TRPC6: variants seen among roughly 807,000 people sequenced by gnomAD.
TRPC6 encodes the protein transient receptor potential cation channel subfamily C member 6.
TRPC6 carries 55 observed loss-of-function variants against 90.7 expected under a neutral mutation model. That is an observed-to-expected ratio of 0.61 (90% confidence interval 0.49 to 0.76). TRPC6 has a LOEUF of 0.76. TRPC6 is among the 30% of genes least tolerant of loss of function. The pLI, the probability that TRPC6 is intolerant of heterozygous loss-of-function variation, is 0.00. For synonymous variants in TRPC6, 393 were observed against 393.0 expected (o/e 1.00, Z 0.00); for missense variants, 989 against 1,122.7 (o/e 0.88, Z 1.70).
rs78668656 is a variant in TRPC6, at chr11:101,488,700, T to C, written c.1293+237A>G. 0.064 allele frequency among the ~76,000 whole-genome samples: 9,708 copies of C among 152,260 alleles called. 368 individuals are homozygous for C. Among genetic ancestry groups the C allele is most frequent in the Middle Eastern group, 0.082 (24 of 294 alleles). On this transcript the variant is annotated intron_variant, in intron 4 of 12. Coordinates refer to ENST00000344327, the MANE Select transcript of TRPC6 (RefSeq NM_004621.6). Reference sequence around the variant, plus strand: ...ACATTAACAGTGGTGATATTACAGGTGAATTTTATCTTTTCCGTTTTTTTT... The same window carrying C: ...ACATTAACAGTGGTGATATTACAGGCGAATTTTATCTTTTCCGTTTTTTTT...
chr11:101,469,867 A>C (rs1012932254), intron 9 of TRPC6, among the ~76,000 whole-genome samples: 6 of 152,244 alleles, frequency 3.9e-5, no homozygotes, highest in Non-Finnish European at 7.3e-5. Flanking sequence ...AAGCTTTAAA[A>C]TTCTCAAAGT....
Position 101,452,846 on chromosome 11 carries a change from A to C in TRPC6, c.*109T>G. 1 of 1,332,360 alleles carries C rather than the reference A, an allele frequency of 7.5e-7. No individual in the cohort carries two copies. The highest frequency in any genetic ancestry group is 1.1e-6 in the Non-Finnish European group (1 of 942,410). 82.5% of individuals were successfully genotyped at this position (1,332,360 alleles called of 1,614,324 possible). On this transcript the variant is annotated 3_prime_UTR_variant, in exon 13 of 13. Transcript: ENST00000344327. The stretch of plus-strand genomic sequence containing the variant: ...ATGATAGGATGGCCCAAGTTATTTA[A>C]CGTTTTCTTGTTTAAAAGGTGGGCC...
In TRPC6 at chr11:101,491,836, C is replaced by CTTTTTTTTTTTTTTTTTT. The variant is rs71056611; in HGVS notation, c.946-116_946-99dup. The CTTTTTTTTTTTTTTTTTT allele has an allele frequency of 3.4e-5, 15 of 445,044 alleles. 2 individuals carry two copies. In the African/African-American group the frequency reaches 4.9e-4, roughly 14 times the overall value. 27.6% of individuals were successfully genotyped at this position (445,044 alleles called of 1,614,324 possible). A position where few individuals can be genotyped will look rare whatever the true frequency, so the allele number is the denominator to read the frequency against. ...GATTTTATACTTTAAGAGAAACATT[C>CTTTTTTTTTTTTTTTTTT]TTTTTTTTTTTTTTTTTTTTTTGAG... is the stretch of plus-strand genomic sequence containing the variant. On this transcript the variant is annotated intron_variant, in intron 2 of 12. Coordinates refer to ENST00000344327, the MANE Select transcript of TRPC6 (RefSeq NM_004621.6).
intron 1 of TRPC6, among the ~76,000 whole-genome samples, chr11:101,553,963 T>C (rs749199541): frequency 1.3e-5 from 2 of 152,112 alleles, no homozygotes; most frequent in Non-Finnish European, 2.9e-5. Flanking sequence ...GGGGAAAATG[T>C]TTATGTGAAC....
At chr11:101,486,907 A>AAG (rs1347863657) in intron 4 of TRPC6, among the ~76,000 whole-genome samples, 1 of 152,196 alleles carries the variant, frequency 6.6e-6, no homozygotes, top group Non-Finnish European at 1.5e-5. Context: ...TCATGCTTCA[A>AAG]AGATAAAAAC....
intron 9 of TRPC6, among the ~76,000 whole-genome samples, chr11:101,469,970 CTACT>C (rs1859251147): frequency 6.6e-6 from 1 of 152,124 alleles, no homozygotes; most frequent in South Asian, 2.1e-4. Flanking sequence ...AGAGAATGTG[CTACT>C]TACTTGAGCA....
At chr11:101,568,895 G>A (rs1444440487) in intron 1 of TRPC6, among the ~76,000 whole-genome samples, 2 of 152,150 alleles carry the variant, frequency 1.3e-5, no homozygotes, top group African/African-American at 4.8e-5. Context: ...ACCGATACAA[G>A]CCACTGCAAA....
chr11:101,474,836 C>A (rs1859375998), intron 6 of TRPC6, among the ~76,000 whole-genome samples: 1 of 152,146 alleles, frequency 6.6e-6, no homozygotes, highest in South Asian at 2.1e-4. Flanking sequence ...ATCCCTTAGT[C>A]ACTTTCTTCC....
intron 1 of TRPC6, among the ~76,000 whole-genome samples, chr11:101,562,070 G>A (rs1861727493): frequency 6.6e-6 from 1 of 152,070 alleles, no homozygotes; most frequent in Non-Finnish European, 1.5e-5. Flanking sequence ...AAGTGAACCT[G>A]TGGTAAATGA....
chr11:101,506,290 A>C (rs557004840), intron 1 of TRPC6, among the ~76,000 whole-genome samples: 2 of 151,804 alleles, frequency 1.3e-5, no homozygotes, highest in Non-Finnish European at 1.5e-5. Flanking sequence ...TATAAAGAGG[A>C]CAATAAAAAG....
rs200142677 is a variant in TRPC6 at position 101,452,497 on chromosome 11, T to G, written c.*458A>C. 5.7e-6 allele frequency: 1 copy of G among 175,948 alleles called. No individual in the cohort carries two copies. The highest frequency in any genetic ancestry group is 1.2e-5 in the Non-Finnish European group (1 of 81,476). 10.9% of individuals were successfully genotyped at this position (175,948 alleles called of 1,614,324 possible). A position where few individuals can be genotyped will look rare whatever the true frequency, so the allele number is the denominator to read the frequency against. ...TTCTAAAGAAAGGATTAAAGCATTC[T>G]AAAGGCCCATGGGCTACTTTTTCCC... is the stretch of plus-strand genomic sequence containing the variant. On this transcript the variant is annotated 3_prime_UTR_variant, in exon 13 of 13. Transcript: ENST00000344327.
chr11:101,537,478 C>T (rs936310877), intron 1 of TRPC6, among the ~76,000 whole-genome samples: 1 of 152,042 alleles, frequency 6.6e-6, no homozygotes, highest in African/African-American at 2.4e-5. Flanking sequence ...TTCAAAAACA[C>T]TTGTCTGAAT....
chr11:101,496,706 G>A (rs111628817), intron 2 of TRPC6, among the ~76,000 whole-genome samples: 444 of 152,272 alleles, frequency 2.9e-3, no homozygotes, highest in African/African-American at 8.2e-3. Flanking sequence ...TACGAAGCTT[G>A]GAGAGCGGCG....
At chr11:101,566,437 A>G (rs1861832419) in intron 1 of TRPC6, among the ~76,000 whole-genome samples, 1 of 152,240 alleles carries the variant, frequency 6.6e-6, no homozygotes. Context: ...TAAAAACAAA[A>G]AAGATGTATC....
intron 2 of TRPC6, among the ~76,000 whole-genome samples, chr11:101,493,696 C>T (rs2136712128): frequency 6.6e-6 from 1 of 152,196 alleles, no homozygotes; most frequent in African/African-American, 2.4e-5. Flanking sequence ...TCTCTTAAAC[C>T]CAGAACTGCA....
chr11:101,511,887 G>A (rs1388018297), intron 1 of TRPC6, among the ~76,000 whole-genome samples: 1 of 152,088 alleles, frequency 6.6e-6, no homozygotes, highest in Non-Finnish European at 1.5e-5. Flanking sequence ...CAGCTACTTG[G>A]GAGGCTGAGG....
At position 101,455,441 on chromosome 11, in the gene TRPC6, T is replaced by A. The variant is rs531030374; in HGVS notation, c.2485-340A>T. On this transcript the variant is annotated intron_variant, in intron 10 of 12. Coordinates refer to ENST00000344327, the MANE Select transcript of TRPC6 (RefSeq NM_004621.6). ...AATTGAGGAAATAATGGTGGTGATC[T>A]CAGAAGTCCATTGATGGGGGATCAA... The A allele has an allele frequency of 1.2e-3, 299 of 242,232 alleles. 1 individual carries two copies. The highest frequency in any genetic ancestry group is 2.2e-3 in the Non-Finnish European group (263 of 122,246). The allele number at this position is 242,232 out of a possible 1,614,324, so 15.0% of individuals were successfully genotyped here. A position where few individuals can be genotyped will look rare whatever the true frequency, so the allele number is the denominator to read the frequency against.
rs1007967905 is a variant in TRPC6, at chr11:101,583,457, C to T, written c.47G>A (p.Arg16Gln). The T allele has an allele frequency of 6.5e-7, 1 of 1,533,376 alleles. No individual in the cohort carries two copies. The highest frequency in any genetic ancestry group is 1.2e-5 in the South Asian group (1 of 83,038). The allele number at this position is 1,533,376 out of a possible 1,614,324, so 95.0% of individuals were successfully genotyped here. Residue 16 changes from arginine (R) to glutamine (Q), a missense_variant, in exon 1 of 13, where the codon CGG becomes CAG. By Grantham distance (43) the Arg-to-Gln change is conservative. Transcript: ENST00000344327. Reference sequence around the variant, plus strand: ...CCGCGCAGCGGCTCCGGCAGCGCCCCGGGGAGAACTGCCCCTCCGGGGCCC... The same window carrying T: ...CCGCGCAGCGGCTCCGGCAGCGCCCTGGGGAGAACTGCCCCTCCGGGGCCC... ...AFGPRRGSSP[R>Q]GAAGAAARRN...
chr11:101,523,474 G>T (rs1860706675), intron 1 of TRPC6, among the ~76,000 whole-genome samples: 1 of 152,150 alleles, frequency 6.6e-6, no homozygotes, highest in African/African-American at 2.4e-5. Context: ...AGTTGCCATT[G>T]TCTTCAACTA....
Sources: gnomAD v4.1 joint callset for allele counts (sites outside exome capture counted in the v4.1 genomes callset) on GRCh38, gnomAD v4.1.1 for gene constraint, MANE v1.5 for transcripts, NCBI Gene and HGNC (gene_info 2026-07-23, HGNC 2026-07-21) for gene names.